Variants in MAF observed in about 807,000 individuals in gnomAD.
MAF encodes MAF bZIP transcription factor, also known as transcription factor Maf.
Under a neutral mutation model 22.0 loss-of-function variants are expected in MAF, and 10 were observed. The ratio of observed to expected loss-of-function variants is 0.45; its 90% CI spans 0.28 to 0.77. The LOEUF is 0.77. Ranked by LOEUF, MAF falls within the 30% of genes least tolerant of loss-of-function variation. The pLI, the probability that MAF is intolerant of heterozygous loss-of-function variation, is 0.12. For missense variants in MAF, 544 were observed against 548.4 expected (o/e 0.99, Z 0.08); for synonymous variants, 337 against 255.8 (o/e 1.32, Z -3.03).
At chr16:79,415,004 A>G in the MAF span, among the ~76,000 whole-genome samples, 5 of 152,214 alleles carry the variant, frequency 3.3e-5, 1 homozygote, top group African/African-American at 1.2e-4. Flanking sequence ...GCTTCCATCC[A>G]GAGTTGACAT....
At chr16:79,350,898 T>TGC in the MAF span, among the ~76,000 whole-genome samples, 2 of 144,398 alleles carry the variant, frequency 1.4e-5, no homozygotes, top group African/African-American at 2.6e-5. Context: ...TGTGTGTGTG[T>TGC]GTGTGCGTGT....
At chr16:79,339,676 T>C in the MAF span, among the ~76,000 whole-genome samples, 1 of 152,236 alleles carries the variant, frequency 6.6e-6, no homozygotes, top group Non-Finnish European at 1.5e-5. Flanking sequence ...TTGTTATTCC[T>C]TGTTTGTTGT....
chr16:79,367,120 A>T, the MAF span, among the ~76,000 whole-genome samples: 1 of 152,140 alleles, frequency 6.6e-6, no homozygotes, highest in African/African-American at 2.4e-5. Context: ...GGGTGCAAAG[A>T]TGAGCCATAT....
the MAF span, among the ~76,000 whole-genome samples, chr16:79,390,857 G>C: frequency 6.6e-6 from 1 of 152,200 alleles, no homozygotes; most frequent in Non-Finnish European, 1.5e-5. Context: ...CTAGGAAAGG[G>C]TTTGCTCACA....
chr16:79,262,230 C>G, the MAF span, among the ~76,000 whole-genome samples: 3 of 152,136 alleles, frequency 2.0e-5, no homozygotes, highest in Non-Finnish European at 4.4e-5. Flanking sequence ...GACTGAGCTC[C>G]TTAGTGAGGG....
At chr16:79,272,134 C>T in the MAF span, among the ~76,000 whole-genome samples, 3 of 152,140 alleles carry the variant, frequency 2.0e-5, no homozygotes, top group Non-Finnish European at 4.4e-5. Context: ...CAGGCGGGGG[C>T]CCCCACCAGG....
At chr16:79,328,394 G>T in the MAF span, among the ~76,000 whole-genome samples, 2 of 152,126 alleles carry the variant, frequency 1.3e-5, no homozygotes, top group African/African-American at 4.8e-5. Flanking sequence ...TGGTTGTGCT[G>T]GAGAGGGAAA....
At chr16:79,419,121 G>A in the MAF span, among the ~76,000 whole-genome samples, 9 of 152,168 alleles carry the variant, frequency 5.9e-5, no homozygotes, top group African/African-American at 2.2e-4. Context: ...TCCCCCCTCA[G>A]GAAAATGGAC....
the MAF span, among the ~76,000 whole-genome samples, chr16:79,320,007 A>G: frequency 6.6e-6 from 1 of 152,180 alleles, no homozygotes; most frequent in Non-Finnish European, 1.5e-5. Context: ...AGCCCAGGTG[A>G]TATCCATGGG....
downstream of MAF, chr16:79,585,828 A>T: frequency 2.1e-6 from 1 of 468,414 alleles, no homozygotes; most frequent in South Asian, 2.2e-5. Flanking sequence ...AACAAAGAAA[A>T]GGAAAAAAAA....
chr16:79,511,131 C>T, the MAF span, among the ~76,000 whole-genome samples: 2 of 152,118 alleles, frequency 1.3e-5, no homozygotes, highest in Non-Finnish European at 2.9e-5. Flanking sequence ...CTCTGCCTTA[C>T]TTCTGTGTCT....
the MAF span, chr16:79,212,332 G>C: frequency 1.4e-6 from 1 of 732,080 alleles, no homozygotes; most frequent in Non-Finnish European, 2.1e-6. Context: ...CCTTGTCCCA[G>C]CCAGTGAGGA....
chr16:79,383,188 G>A, the MAF span, among the ~76,000 whole-genome samples: 1 of 152,160 alleles, frequency 6.6e-6, no homozygotes, highest in African/African-American at 2.4e-5. Flanking sequence ...CAGACTGGAA[G>A]GGGTACTTAA....
the MAF span, among the ~76,000 whole-genome samples, chr16:79,463,067 G>A: frequency 2.0e-5 from 3 of 152,164 alleles, no homozygotes; most frequent in Non-Finnish European, 4.4e-5. Context: ...AAGAATGGTG[G>A]CCCCATAAAG....
chr16:79,447,110 A>G, the MAF span, among the ~76,000 whole-genome samples: 1 of 152,166 alleles, frequency 6.6e-6, no homozygotes, highest in Non-Finnish European at 1.5e-5. Flanking sequence ...AAGTGACAAC[A>G]TGGGTGTCTT....
the MAF span, among the ~76,000 whole-genome samples, chr16:79,323,847 TG>T: frequency 6.6e-6 from 1 of 152,120 alleles, no homozygotes; most frequent in Non-Finnish European, 1.5e-5. Flanking sequence ...GATATGACCT[TG>T]GGGGAAAGTG....
chr16:79,494,502 T>A, the MAF span, among the ~76,000 whole-genome samples: 1 of 152,150 alleles, frequency 6.6e-6, no homozygotes, highest in Admixed American at 6.5e-5. Context: ...TTTCTCCACT[T>A]TTAAAGACTC....
the MAF span, among the ~76,000 whole-genome samples, chr16:79,503,049 T>C: frequency 6.6e-6 from 1 of 152,036 alleles, no homozygotes; most frequent in Non-Finnish European, 1.5e-5. Flanking sequence ...TCTCAAGTAG[T>C]AGCATTGCAG....
Position 79,600,699 on chromosome 16 carries a change from G to C in MAF, c.-797C>G, listed in dbSNP as rs1913997734. 5.1e-6 allele frequency: 1 copy of C among 195,506 alleles called. No homozygotes were observed. Among genetic ancestry groups the C allele is most frequent in the African/African-American group, 2.4e-5 (1 of 42,286 alleles). 12.1% of individuals were successfully genotyped at this position (195,506 alleles called of 1,614,324 possible). On this transcript the variant is annotated 5_prime_UTR_variant, in exon 1 of 2. Coordinates refer to ENST00000326043, the MANE Select transcript of MAF (RefSeq NM_005360.5). ...CGACAAGCAGCCCGAGCTACAGCTA[G>C]AAGATGAAAAAAGATTTTAAAGCCT... is the stretch of plus-strand genomic sequence containing the variant.
Sources: allele counts gnomAD v4.1 joint callset (sites outside exome capture counted in the v4.1 genomes callset), GRCh38; gene constraint gnomAD v4.1.1; transcripts MANE v1.5; gene names NCBI Gene and HGNC (gene_info 2026-07-23, HGNC 2026-07-21).